ANAPC4: variants seen among roughly 807,000 people sequenced by gnomAD.
The protein encoded by ANAPC4 is anaphase promoting complex subunit 4.
In ANAPC4, 63 loss-of-function variants were observed where a neutral mutation model predicts 119.8. That is an observed-to-expected ratio of 0.53 (90% confidence interval 0.43 to 0.65). The LOEUF (loss-of-function observed/expected upper bound fraction) is 0.65, where lower values mean the gene tolerates loss of function less well. ANAPC4 is among the 30% of genes least tolerant of loss of function. ANAPC4 has a pLI of 0.00. For synonymous variants in ANAPC4, 283 were observed against 318.6 expected, an observed-to-expected ratio of 0.89 and a Z score of 1.19; for missense variants, 716 against 945.1, an observed-to-expected ratio of 0.76 and a Z score of 3.18.
At chr4:25,416,634 A>G (rs747614747) in intron 27 of ANAPC4, 36 bp downstream of exon 27, 2 of 1,430,414 alleles carry the variant, frequency 1.4e-6, no homozygotes, top group Admixed American at 4.5e-5. Context: ...TATTACAGTT[A>G]AATGTTTTTT....
intron 9 of ANAPC4, 125 bp from the exon 10 acceptor site, chr4:25,392,213 T>C (rs1314693442): frequency 1.5e-6 from 1 of 671,684 alleles, no homozygotes. Context: ...TCCAAACCGT[T>C]CTGCTCAAAG....
Position 25,396,953 on chromosome 4 carries a change from C to T in ANAPC4, c.1214+54C>T. 3.3e-6 allele frequency: 5 copies of T among 1,502,504 alleles called. No homozygotes were observed. In the South Asian group the frequency reaches 6.1e-5, roughly 18 times the overall value. 93.1% of individuals were successfully genotyped at this position (1,502,504 alleles called of 1,614,324 possible). A position where few individuals can be genotyped will look rare whatever the true frequency, so the allele number is the denominator to read the frequency against. On this transcript the variant is annotated intron_variant, in intron 16 of 28. Coordinates refer to ENST00000315368, the MANE Select transcript of ANAPC4 (RefSeq NM_013367.3). ...GACCTAAGAATATGTCACTTTTGAC[C>T]TAAATAAGAACCTAGTAAGCTGTTA...
At chr4:25,403,634 G>A (rs918080054) in intron 17 of ANAPC4, among the ~76,000 whole-genome samples, 42 of 152,140 alleles carry the variant, frequency 2.8e-4, no homozygotes, top group African/African-American at 1.0e-3. Context: ...TGTCCACTGT[G>A]GTAGCCACTA....
intron 22 of ANAPC4, 86 bp from the exon 23 acceptor site, chr4:25,414,238 C>A: frequency 1.1e-6 from 1 of 950,994 alleles, no homozygotes. Flanking sequence ...TTACCACATT[C>A]GAACAGTGAT....
intron 22 of ANAPC4, chr4:25,414,111 C>A: frequency 2.1e-6 from 1 of 478,676 alleles, no homozygotes. Flanking sequence ...TGGTCTTAAA[C>A]CTGCCATGTG....
At chr4:25,385,451 C>T (rs1721979274) in intron 4 of ANAPC4, among the ~76,000 whole-genome samples, 1 of 152,186 alleles carries the variant, frequency 6.6e-6, no homozygotes. Context: ...GCGGCTTTCT[C>T]TCAGCACTTT....
intron 2 of ANAPC4, among the ~76,000 whole-genome samples, chr4:25,379,495 C>T (rs1721599093): frequency 6.6e-6 from 1 of 152,056 alleles, no homozygotes; most frequent in Non-Finnish European, 1.5e-5. Context: ...ATCTCCTAGC[C>T]CAAAAGCAGC....
At chr4:25,389,681 T>G (rs1338119457) in intron 7 of ANAPC4, among the ~76,000 whole-genome samples, 1 of 152,220 alleles carries the variant, frequency 6.6e-6, no homozygotes, top group Non-Finnish European at 1.5e-5. Context: ...TTATGAAGTT[T>G]TAATAATAAT....
At chr4:25,385,011 C>T (rs1177048972) in intron 4 of ANAPC4, among the ~76,000 whole-genome samples, 3 of 152,074 alleles carry the variant, frequency 2.0e-5, no homozygotes, top group African/African-American at 4.8e-5. Flanking sequence ...TTTAGTGAAC[C>T]GTGCTGTAAA....
chr4:25,389,393 G>A (rs892324483), intron 7 of ANAPC4, among the ~76,000 whole-genome samples: 7 of 151,768 alleles, frequency 4.6e-5, no homozygotes, highest in Non-Finnish European at 7.4e-5. Context: ...TCTTGACCTC[G>A]TGATCCACCC....
At chr4:25,393,139 T>C (rs1722447078) in intron 10 of ANAPC4, among the ~76,000 whole-genome samples, 1 of 152,190 alleles carries the variant, frequency 6.6e-6, no homozygotes. Context: ...TTATTTGATA[T>C]TAAAGGTTTC....
chr4:25,390,267 A>C (rs762037247), intron 8 of ANAPC4, 47 bp downstream of exon 8: 8 of 1,381,450 alleles, frequency 5.8e-6, no homozygotes, highest in Non-Finnish European at 8.2e-6. Flanking sequence ...TTCTCTTAGA[A>C]TATACTAGGT....
chr4:25,396,187 A>G (rs1469990781), intron 14 of ANAPC4, among the ~76,000 whole-genome samples: 1 of 152,146 alleles, frequency 6.6e-6, no homozygotes, highest in African/African-American at 2.4e-5. Flanking sequence ...TGTTTCCTTC[A>G]AGGCATTTAT....
chr4:25,412,263 A>G (rs1424691952), intron 21 of ANAPC4, among the ~76,000 whole-genome samples: 1 of 152,164 alleles, frequency 6.6e-6, no homozygotes, highest in East Asian at 1.9e-4. Flanking sequence ...CCACCCAGAA[A>G]GTTCTCTGAA....
At chr4:25,379,560 G>A (rs146224790) in intron 2 of ANAPC4, among the ~76,000 whole-genome samples, 79 of 152,316 alleles carry the variant, frequency 5.2e-4, no homozygotes, top group African/African-American at 1.9e-3. Flanking sequence ...CTGCAGGGAA[G>A]CATTGTCCTC....
chr4:25,394,784 T>G (rs772687983), intron 13 of ANAPC4, 45 bp from the exon 14 acceptor site: 13 of 1,596,182 alleles, frequency 8.1e-6, no homozygotes, highest in Non-Finnish European at 1.1e-5. Context: ...GAGTGGCATA[T>G]AATATCCTGA....
chr4:25,411,838 A>T (rs1386686957), intron 21 of ANAPC4, among the ~76,000 whole-genome samples: 6 of 152,168 alleles, frequency 3.9e-5, no homozygotes, highest in South Asian at 4.2e-4. Context: ...AATGAGAGAA[A>T]TTTTTTTCCT....
chr4:25,396,742 A>G lies in ANAPC4; in HGVS notation c.1140A>G (p.Gly380=), dbSNP rs1277729938. 6.2e-7 allele frequency: 1 copy of G among 1,613,810 alleles called. No homozygotes were observed. The highest frequency in any genetic ancestry group is 1.1e-5 in the South Asian group (1 of 91,042). Residue 380 remains glycine (G), a synonymous_variant, in exon 15 of 29, where the codon GGA becomes GGG. Transcript: ENST00000315368. ...GGAAGCAAAAATATGAACCTCTTGG[A>G]CTAGATGCTGCAGGAATCGAAGGTA... is the stretch of plus-strand genomic sequence containing the variant. ...ASWKQKYEPL[G]LDAAGIEEAI...
intron 20 of ANAPC4, among the ~76,000 whole-genome samples, chr4:25,407,996 T>G (rs865860830): frequency 6.6e-6 from 1 of 152,230 alleles, no homozygotes; most frequent in African/African-American, 2.4e-5. Flanking sequence ...TATAATTTAG[T>G]TAAGAGTGGT....
Sources: gnomAD v4.1 joint callset for allele counts (sites outside exome capture counted in the v4.1 genomes callset) on GRCh38, gnomAD v4.1.1 for gene constraint, MANE v1.5 for transcripts, NCBI Gene and HGNC (gene_info 2026-07-23, HGNC 2026-07-21) for gene names.